COA1: variants seen among roughly 807,000 people sequenced by gnomAD.
COA1 encodes cytochrome c oxidase assembly factor 1, also known as cytochrome c oxidase assembly factor 1 homolog.
In COA1, 13 loss-of-function variants were observed where a neutral mutation model predicts 16.0. That is an observed-to-expected ratio of 0.81 (90% CI 0.53 to 1.29). The LOEUF (loss-of-function observed/expected upper bound fraction) is 1.29, where lower values mean the gene tolerates loss of function less well. Ranked by LOEUF, COA1 falls within the 50% of genes most tolerant of loss-of-function variation. The pLI, the probability that COA1 is intolerant of heterozygous loss-of-function variation, is 0.00. For synonymous variants in COA1, 65 were observed against 65.7 expected, an observed-to-expected ratio of 0.99 and a Z score of 0.05; for missense variants, 179 against 177.0, an observed-to-expected ratio of 1.01 and a Z score of -0.06.
At chr7:43,689,797 G>C (rs2094193317) in intron 1 of COA1, among the ~76,000 whole-genome samples, 1 of 152,160 alleles carries the variant, frequency 6.6e-6, no homozygotes, top group Non-Finnish European at 1.5e-5. Flanking sequence ...GTATGAAATA[G>C]TGTATTACTT....
rs2131137046 is a variant in COA1, at chr7:43,694,295, C to T, written c.-39+35134G>A. ...AAAGCACTCTTAATCCCATATCTTCCTTCAGCAATGGTCCCATTTCTCTAC... is the reference window on the plus strand; with the variant it reads ...AAAGCACTCTTAATCCCATATCTTCTTTCAGCAATGGTCCCATTTCTCTAC... On this transcript the variant is annotated intron_variant, in intron 1 of 5. Coordinates refer to ENST00000223336, the MANE Select transcript of COA1 (RefSeq NM_018224.4). Among the ~76,000 whole-genome samples the T allele has an allele frequency of 2.0e-5, 3 of 151,074 alleles. No homozygotes were observed. In the Middle Eastern group the frequency reaches 0.01, roughly 517 times the overall value.
chr7:43,702,368 T>C (rs2094781065), intron 1 of COA1, among the ~76,000 whole-genome samples: 1 of 152,220 alleles, frequency 6.6e-6, no homozygotes, highest in Admixed American at 6.5e-5. Context: ...TCCCCATTGC[T>C]TACTGTTGTC....
At chr7:43,725,222 G>C (rs1429321899) in intron 1 of COA1, among the ~76,000 whole-genome samples, 1 of 148,556 alleles carries the variant, frequency 6.7e-6, no homozygotes, top group Non-Finnish European at 1.5e-5. Context: ...AGGGCAACAT[G>C]AACGAAACTC....
intron 1 of COA1, among the ~76,000 whole-genome samples, chr7:43,663,563 C>A (rs1563300759): frequency 6.7e-6 from 1 of 149,804 alleles, no homozygotes; most frequent in East Asian, 2.0e-4. Flanking sequence ...ACTGAGGAGG[C>A]TGAGGCAGGG....
At chr7:43,650,137 C>G (rs1312833535) in intron 1 of COA1, 2 of 152,278 alleles carry the variant, frequency 1.3e-5, no homozygotes, top group Non-Finnish European at 1.5e-5. Context: ...AAGAAAGACC[C>G]TCGACCCTGA....
intron 1 of COA1, among the ~76,000 whole-genome samples, chr7:43,683,354 C>T (rs1000269967): frequency 6.6e-6 from 1 of 151,982 alleles, no homozygotes; most frequent in African/African-American, 2.4e-5. Flanking sequence ...AGTAGTTGGC[C>T]AGGCACAGTG....
At chr7:43,689,356 G>C (rs1464273413) in intron 1 of COA1, among the ~76,000 whole-genome samples, 6 of 152,166 alleles carry the variant, frequency 3.9e-5, no homozygotes, top group African/African-American at 1.2e-4. Flanking sequence ...CTGTAATCTG[G>C]TATGTGTGTG....
At chr7:43,653,679 C>T (rs2091263649) in intron 1 of COA1, among the ~76,000 whole-genome samples, 1 of 151,784 alleles carries the variant, frequency 6.6e-6, no homozygotes, top group African/African-American at 2.4e-5. Flanking sequence ...TGTCCAACAC[C>T]CTTTCTACAG....
chr7:43,691,329 G>GAAAGAAAGAAAGAAAAAGAAAGAA (rs1427102268), intron 1 of COA1, among the ~76,000 whole-genome samples: 1 of 72,884 alleles, frequency 1.4e-5, no homozygotes, highest in Admixed American at 1.5e-4. Flanking sequence ...AAGAAAGAAA[G>GAAAGAAAGAAAGAAAAAGAAAGAA]AGAAAGAGAG....
chr7:43,682,510 C>T (rs892841308), intron 1 of COA1, among the ~76,000 whole-genome samples: 2 of 152,024 alleles, frequency 1.3e-5, no homozygotes, highest in African/African-American at 4.8e-5. Context: ...GTGAAGTAAT[C>T]CGAATTCTTT....
intron 3 of COA1, chr7:43,647,249 C>T: frequency 2.2e-6 from 1 of 463,900 alleles, no homozygotes; most frequent in Non-Finnish European, 3.8e-6. Context: ...ATCTCAGAAT[C>T]TTGATGGAGC....
chr7:43,644,817 G>GAGAGAGAGAGAGAGAGAGACAGAGAGAC, intron 4 of COA1, among the ~76,000 whole-genome samples: 3 of 126,738 alleles, frequency 2.4e-5, no homozygotes, highest in African/African-American at 2.6e-5. Flanking sequence ...GAGAGAGAGA[G>GAGAGAGAGAGAGAGAGAGACAGAGAGAC]AGAGAGAGAG....
chr7:43,660,344 A>G (rs1160700940), intron 1 of COA1, among the ~76,000 whole-genome samples: 1 of 151,950 alleles, frequency 6.6e-6, no homozygotes, highest in Non-Finnish European at 1.5e-5. Flanking sequence ...TCCACTCCAC[A>G]CCAGGTCTCC....
At chr7:43,635,744 G>GCAT (rs2085760195), downstream of COA1, among the ~76,000 whole-genome samples, 1 of 152,138 alleles carries the variant, frequency 6.6e-6, no homozygotes, top group Non-Finnish European at 1.5e-5. Context: ...TTGAATATTT[G>GCAT]CATCAACCTT....
intron 6 of COA1, among the ~76,000 whole-genome samples, chr7:43,628,901 A>T (rs896041023): frequency 1.3e-5 from 2 of 152,088 alleles, no homozygotes; most frequent in African/African-American, 4.8e-5. Flanking sequence ...TTTTATAGTT[A>T]ATGCTTTCTT....
chr7:43,721,617 G>C (rs1001093425), intron 1 of COA1, among the ~76,000 whole-genome samples: 2 of 152,090 alleles, frequency 1.3e-5, no homozygotes, highest in Non-Finnish European at 2.9e-5. Flanking sequence ...TTACTTTTTG[G>C]TTTTGGTTAT....
intron 1 of COA1, among the ~76,000 whole-genome samples, chr7:43,696,986 T>A (rs954167498): frequency 2.0e-5 from 3 of 151,812 alleles, no homozygotes; most frequent in African/African-American, 7.3e-5. Context: ...TAACTCGGCA[T>A]GGTGACACAC....
At chr7:43,652,318 A>G (rs1219705938) in intron 1 of COA1, among the ~76,000 whole-genome samples, 1 of 152,194 alleles carries the variant, frequency 6.6e-6, no homozygotes, top group East Asian at 1.9e-4. Context: ...TCTGGGTAAC[A>G]TGGCTGGCCT....
intron 1 of COA1, among the ~76,000 whole-genome samples, chr7:43,670,950 TGA>T (rs1443553800): frequency 2.0e-5 from 3 of 152,260 alleles, no homozygotes; most frequent in Admixed American, 1.3e-4. Context: ...AAACATCTGA[TGA>T]GAGTTCAGAA....
Sources: gnomAD v4.1 joint callset for allele counts (sites outside exome capture counted in the v4.1 genomes callset) on GRCh38, gnomAD v4.1.1 for gene constraint, MANE v1.5 for transcripts, NCBI Gene and HGNC (gene_info 2026-07-23, HGNC 2026-07-21) for gene names.